Variants in JPH3 observed in about 807,000 individuals in gnomAD.
JPH3 encodes the protein junctophilin 3.
JPH3 carries 11 observed loss-of-function variants against 59.6 expected under a neutral mutation model. That is an observed-to-expected ratio of 0.18 (90% CI 0.12 to 0.31). JPH3 has a LOEUF of 0.31. Ranked by LOEUF, JPH3 falls within the 10% of genes least tolerant of loss-of-function variation. The probability of loss-of-function intolerance (pLI) is 1.00; values close to 1 mark genes in which losing one functional copy is unlikely to be tolerated. For synonymous variants in JPH3, 673 were observed against 483.6 expected, an observed-to-expected ratio of 1.39 and a Z score of -5.14; for missense variants, 1,202 against 1,105.7, an observed-to-expected ratio of 1.09 and a Z score of -1.24.
rs772600210 is a variant in JPH3, at chr16:87,644,609, G to A, written c.734G>A (p.Arg245His). The change falls in exon 2 of 5, where the codon CGC (arginine) becomes CAC (histidine). Residue 245 changes from arginine to histidine, a missense_variant. Physicochemically the swap from Arg to His is conservative, Grantham distance 29. Coordinates refer to ENST00000284262, the MANE Select transcript of JPH3 (RefSeq NM_020655.4). ...CAACGCAGCAAGCAGAGCTCCTTTC[G>A]CAGCGAGGCGGGCATGAGCACCGTC... ...ASQRSKQSSF[R>H]SEAGMSTVSS... is the part of the protein sequence containing the mutation. 2.3e-5 allele frequency: 37 copies of A among 1,612,576 alleles called. No homozygotes were observed. Among genetic ancestry groups the A allele is most frequent in the East Asian group, 6.7e-5 (3 of 44,860 alleles).
chr16:87,692,707 A>G (rs115410049), intron 4 of JPH3, among the ~76,000 whole-genome samples: 247 of 152,322 alleles, frequency 1.6e-3, no homozygotes, highest in African/African-American at 5.8e-3. Flanking sequence ...CTACTGGTGA[A>G]GGAACTCTGG....
At chr16:87,640,596 T>G (rs143647692) in intron 1 of JPH3, among the ~76,000 whole-genome samples, 2 of 152,158 alleles carry the variant, frequency 1.3e-5, no homozygotes, top group East Asian at 3.9e-4. Context: ...TTTCACTATG[T>G]TGGCCAGCGT....
chr16:87,689,692 C>T lies in JPH3; in HGVS notation c.1332C>T (p.Ile444=), dbSNP rs143361815. 211 of 1,612,288 alleles carry T rather than the reference C, an allele frequency of 1.3e-4. No homozygotes were observed. Among genetic ancestry groups the T allele is most frequent in the Non-Finnish European group, 1.5e-4 (179 of 1,179,754 alleles). ...RPKRQTSCDD[I]EVLSTGTPLQ... Reference sequence around the variant, plus strand: ...AGCGTCAGACCTCCTGTGACGACATCGAGGTGCTGTCCACCGGGACACCCC... The same window carrying T: ...AGCGTCAGACCTCCTGTGACGACATTGAGGTGCTGTCCACCGGGACACCCC... The change falls in exon 4 of 5, where the codon ATC becomes ATT. Residue 444 remains isoleucine, a synonymous_variant. Transcript: ENST00000284262.
intron 1 of JPH3, among the ~76,000 whole-genome samples, chr16:87,629,673 C>T (rs1423519533): frequency 1.3e-5 from 2 of 150,802 alleles, no homozygotes; most frequent in Non-Finnish European, 3.0e-5. Flanking sequence ...TCATTGGTTG[C>T]CCAGGGTTGG....
intron 1 of JPH3, among the ~76,000 whole-genome samples, chr16:87,633,674 C>A (rs1033834007): frequency 2.6e-5 from 4 of 151,958 alleles, no homozygotes; most frequent in African/African-American, 9.7e-5. Flanking sequence ...TGGCGGGCGC[C>A]TGTAGTACCA....
intron 2 of JPH3, among the ~76,000 whole-genome samples, chr16:87,682,932 T>G (rs1202598353): frequency 5.3e-5 from 8 of 152,256 alleles, no homozygotes; most frequent in Admixed American, 5.2e-4. Context: ...GACGTCTGTC[T>G]AGTCCCTTGT....
chr16:87,682,780 T>C (rs568238337), intron 2 of JPH3, among the ~76,000 whole-genome samples: 2 of 152,292 alleles, frequency 1.3e-5, no homozygotes, highest in South Asian at 4.1e-4. Flanking sequence ...GGGGAATTGG[T>C]CATTGTGCCT....
At chr16:87,616,221 TGTGTGTGTGTGTGTGTA>T (rs2030958709) in intron 1 of JPH3, among the ~76,000 whole-genome samples, 6 of 145,944 alleles carry the variant, frequency 4.1e-5, no homozygotes, top group East Asian at 2.0e-4. Context: ...TGTGTGTGTG[TGTGTGTGTGTGTGTGTA>T]TTTTTTTTTT....
At chr16:87,669,069 C>T (rs899502201) in intron 2 of JPH3, among the ~76,000 whole-genome samples, 5 of 152,212 alleles carry the variant, frequency 3.3e-5, no homozygotes, top group African/African-American at 4.8e-5. Flanking sequence ...GCTGCATCTC[C>T]CGGTGGCACA....
Position 87,690,195 on chromosome 16 carries a change from G to T in JPH3, c.1835G>T (p.Arg612Leu), listed in dbSNP as rs747517451. The change falls in exon 4 of 5, where the codon CGG becomes CTG. Residue 612 changes from arginine (R) to leucine (L), a missense_variant. Physicochemically the swap from Arg to Leu is moderately radical, Grantham distance 102. Coordinates refer to ENST00000284262, the MANE Select transcript of JPH3 (RefSeq NM_020655.4). ...ELQEEKLSNYRMEMKPLLRME... is the reference protein window; with the variant it reads ...ELQEEKLSNYLMEMKPLLRME... ...CAGGAGGAGAAGCTGAGCAACTACC[G>T]GATGGAGATGAAACCCTTGCTGAGG... 5.0e-6 allele frequency: 8 copies of T among 1,602,176 alleles called. No homozygotes were observed. The highest frequency in any genetic ancestry group is 6.8e-6 in the Non-Finnish European group (8 of 1,174,938).
chr16:87,638,291 C>G (rs1567592782), intron 1 of JPH3, among the ~76,000 whole-genome samples: 1 of 152,148 alleles, frequency 6.6e-6, no homozygotes, highest in South Asian at 2.1e-4. Flanking sequence ...AACTCCTGGC[C>G]TCAAATGATT....
At chr16:87,605,277 C>T (rs1356457416) in intron 1 of JPH3, among the ~76,000 whole-genome samples, 2 of 152,166 alleles carry the variant, frequency 1.3e-5, no homozygotes, top group Non-Finnish European at 2.9e-5. Flanking sequence ...GGCTGAGCAC[C>T]CCACTCTGCC....
At chr16:87,676,897 C>T (rs553224080) in intron 2 of JPH3, among the ~76,000 whole-genome samples, 59 of 151,872 alleles carry the variant, frequency 3.9e-4, no homozygotes, top group South Asian at 2.1e-4. Context: ...TTAGGCCAGG[C>T]GCGGTGGCGC....
At chr16:87,645,456 G>C (rs1298509060) in intron 2 of JPH3, among the ~76,000 whole-genome samples, 1 of 152,196 alleles carries the variant, frequency 6.6e-6, no homozygotes, top group African/African-American at 2.4e-5. Context: ...GTGGGAGGTG[G>C]CTAGGAGCTG....
chr16:87,696,587 C>T lies in JPH3; in HGVS notation c.2174C>T (p.Ala725Val), dbSNP rs772668984. 3.7e-6 allele frequency: 6 copies of T among 1,613,198 alleles called. No homozygotes were observed. The highest frequency in any genetic ancestry group is 2.2e-5 in the East Asian group (1 of 44,878). Residue 725 changes from alanine (A) to valine (V), a missense_variant, in exon 5 of 5, where the codon GCG (alanine) becomes GTG (valine). Physicochemically the swap from Ala to Val is moderately conservative, Grantham distance 64. Transcript: ENST00000284262. ...GDELKSSTGS[A>V]PILVVMVILL... The stretch of plus-strand genomic sequence containing the variant: ...CCCCTCGCTCTCTTCCAGGGCTCAG[C>T]GCCTATCCTGGTGGTCATGGTGATC...
intron 1 of JPH3, among the ~76,000 whole-genome samples, chr16:87,618,037 G>A (rs1405731179): frequency 2.0e-5 from 3 of 152,210 alleles, no homozygotes; most frequent in African/African-American, 2.4e-5. Context: ...GGCAGCCTGC[G>A]CCTGCAGTCC....
intron 1 of JPH3, among the ~76,000 whole-genome samples, chr16:87,629,165 C>T (rs918457259): frequency 6.6e-6 from 1 of 152,120 alleles, no homozygotes; most frequent in Non-Finnish European, 1.5e-5. Flanking sequence ...TGACTCCATG[C>T]CTGCTGCTGT....
chr16:87,608,585 T>G (rs1040351401), intron 1 of JPH3, among the ~76,000 whole-genome samples: 1 of 152,184 alleles, frequency 6.6e-6, no homozygotes, highest in Non-Finnish European at 1.5e-5. Context: ...AGAGAGGCAG[T>G]CCCTTCAGCA....
intron 1 of JPH3, among the ~76,000 whole-genome samples, chr16:87,631,679 C>T (rs573976300): frequency 6.6e-5 from 10 of 152,262 alleles, no homozygotes; most frequent in Admixed American, 2.6e-4. Flanking sequence ...TTTTCCTTCC[C>T]TGCTTTCTAG....
Sources: gnomAD v4.1 joint callset for allele counts (sites outside exome capture counted in the v4.1 genomes callset) on GRCh38, gnomAD v4.1.1 for gene constraint, MANE v1.5 for transcripts, NCBI Gene and HGNC (gene_info 2026-07-23, HGNC 2026-07-21) for gene names.